ROR1: variants seen among roughly 807,000 people sequenced by gnomAD.
The protein encoded by ROR1 is inactive tyrosine-protein kinase transmembrane receptor ROR1.
ROR1 carries 19 observed loss-of-function variants against 78.8 expected under a neutral mutation model. The observed-to-expected ratio is 0.24, with a 90% CI of 0.17 to 0.35. ROR1 has a LOEUF of 0.35. ROR1 is among the 10% of genes least tolerant of loss of function. The probability of loss-of-function intolerance (pLI) is 1.00; values close to 1 mark genes in which losing one functional copy is unlikely to be tolerated. For synonymous variants in ROR1, 386 were observed against 433.6 expected (o/e 0.89, Z 1.36); for missense variants, 917 against 1,177.8 (o/e 0.78, Z 3.24).
intron 1 of ROR1, among the ~76,000 whole-genome samples, chr1:63,919,396 T>C (rs1645635601): frequency 6.6e-6 from 1 of 151,994 alleles, no homozygotes; most frequent in South Asian, 2.1e-4. Flanking sequence ...TGACATTTTA[T>C]GCCAAAAATC....
intron 1 of ROR1, among the ~76,000 whole-genome samples, chr1:63,991,396 G>C (rs1418466679): frequency 3.9e-5 from 6 of 152,152 alleles, no homozygotes; most frequent in Admixed American, 3.9e-4. Flanking sequence ...CCATTTTTCA[G>C]ATATGTGCAG....
At chr1:64,012,851 G>C (rs1007358731) in intron 2 of ROR1, among the ~76,000 whole-genome samples, 1 of 152,040 alleles carries the variant, frequency 6.6e-6, no homozygotes, top group Non-Finnish European at 1.5e-5. Context: ...TATAATTGAA[G>C]AATAGAGCTA....
chr1:64,037,691 G>T (rs1026020426), intron 2 of ROR1, among the ~76,000 whole-genome samples: 1 of 152,112 alleles, frequency 6.6e-6, no homozygotes, highest in African/African-American at 2.4e-5. Context: ...TGTTAAACAC[G>T]CTACCATGTG....
At chr1:64,139,386 C>T (rs1649229411) in intron 5 of ROR1, among the ~76,000 whole-genome samples, 1 of 152,048 alleles carries the variant, frequency 6.6e-6, no homozygotes, top group South Asian at 2.1e-4. Flanking sequence ...GAGCAACATA[C>T]TTGGGGAAAT....
At chr1:63,840,252 C>T (rs1175921520) in intron 1 of ROR1, among the ~76,000 whole-genome samples, 2 of 151,640 alleles carry the variant, frequency 1.3e-5, no homozygotes, top group African/African-American at 4.9e-5. Context: ...CCTGAGCTAA[C>T]CTAGAAAAGT....
intron 1 of ROR1, among the ~76,000 whole-genome samples, chr1:63,860,773 A>G (rs1224689356): frequency 3.0e-4 from 27 of 90,856 alleles, no homozygotes; most frequent in Middle Eastern, 9.0e-3. Context: ...TGTCTCGGGG[A>G]AAAAAAAAAA....
intron 1 of ROR1, among the ~76,000 whole-genome samples, chr1:63,966,844 G>A (rs1192311732): frequency 2.6e-5 from 4 of 152,216 alleles, no homozygotes; most frequent in South Asian, 2.1e-4. Context: ...TGAACCAATC[G>A]CTTGAAAAGC....
intron 1 of ROR1, among the ~76,000 whole-genome samples, chr1:63,949,863 G>A (rs901274007): frequency 6.6e-6 from 1 of 152,142 alleles, no homozygotes; most frequent in Non-Finnish European, 1.5e-5. Flanking sequence ...AATGGTTTGT[G>A]TGGGGTGGAG....
chr1:63,894,957 T>C (rs1434035075), intron 1 of ROR1, among the ~76,000 whole-genome samples: 1 of 152,170 alleles, frequency 6.6e-6, no homozygotes, highest in Non-Finnish European at 1.5e-5. Flanking sequence ...CAGCACATGT[T>C]TTCTCTCAGT....
chr1:64,075,585 G>A (rs947969802), intron 4 of ROR1, among the ~76,000 whole-genome samples: 1 of 152,154 alleles, frequency 6.6e-6, no homozygotes, highest in Non-Finnish European at 1.5e-5. Flanking sequence ...CCCTGTGATT[G>A]CAATAACCGT....
chr1:63,845,785 G>A (rs1263933953), intron 1 of ROR1, among the ~76,000 whole-genome samples: 1 of 152,138 alleles, frequency 6.6e-6, no homozygotes, highest in South Asian at 2.1e-4. Flanking sequence ...ATAGTTGTAT[G>A]TGTTTTACCT....
chr1:64,133,892 G>A (rs1289323070), intron 4 of ROR1, among the ~76,000 whole-genome samples: 1 of 152,302 alleles, frequency 6.6e-6, no homozygotes, highest in South Asian at 2.1e-4. Flanking sequence ...TAATGCTGGA[G>A]GAGCATTTGT....
intron 1 of ROR1, among the ~76,000 whole-genome samples, chr1:63,789,500 G>A (rs958450093): frequency 2.0e-5 from 3 of 152,162 alleles, no homozygotes; most frequent in Non-Finnish European, 1.5e-5. Context: ...ACATGGCAAA[G>A]AGGGACAGAG....
intron 4 of ROR1, among the ~76,000 whole-genome samples, chr1:64,128,291 CA>C (rs72429774): frequency 0.012 from 1,193 of 101,210 alleles, 10 homozygotes; most frequent in African/African-American, 0.045. Context: ...CCTGTCTCTA[CA>C]AAAAAAAAAA....
intron 1 of ROR1, among the ~76,000 whole-genome samples, chr1:63,952,612 A>T (rs1645949410): frequency 6.6e-6 from 1 of 152,074 alleles, no homozygotes; most frequent in South Asian, 2.1e-4. Context: ...GAGTTCTCTG[A>T]GGGAGAGTGC....
intron 1 of ROR1, among the ~76,000 whole-genome samples, chr1:63,820,059 AAAGGTGGTT>A (rs1426464681): frequency 2.0e-5 from 3 of 152,212 alleles, no homozygotes; most frequent in African/African-American, 7.2e-5. Flanking sequence ...TTAATAAGGC[AAAGGTGGTT>A]AACTTTTTGA....
chr1:64,154,963 C>G (rs999818157), intron 7 of ROR1, among the ~76,000 whole-genome samples: 1 of 152,086 alleles, frequency 6.6e-6, no homozygotes, highest in Non-Finnish European at 1.5e-5. Flanking sequence ...AGATATTAGT[C>G]TTCATTGAAA....
intron 1 of ROR1, among the ~76,000 whole-genome samples, chr1:63,862,686 T>C (rs1645189573): frequency 6.6e-6 from 1 of 152,090 alleles, no homozygotes; most frequent in African/African-American, 2.4e-5. Context: ...CTGCTGAGCA[T>C]ATCTTTTTCT....
Position 64,169,404 on chromosome 1 carries a change from G to A in ROR1, c.1387-8024G>A, listed in dbSNP as rs546908522. On this transcript the variant is annotated intron_variant, in intron 8 of 8. Coordinates refer to ENST00000371079, the MANE Select transcript of ROR1 (RefSeq NM_005012.4). ...CAGCAGACAAAGAGAGAGCTTGTGC[G>A]GGGAAACTCCCCCTTATAGAACCAT... Among the ~76,000 whole-genome samples, 17 of 152,242 alleles carry A rather than the reference G, an allele frequency of 1.1e-4. No homozygotes were observed. The South Asian group carries it at 1.4e-3, about 13-fold the overall frequency.
Sources: allele counts gnomAD v4.1 joint callset (sites outside exome capture counted in the v4.1 genomes callset), GRCh38; gene constraint gnomAD v4.1.1; transcripts MANE v1.5; gene names NCBI Gene and HGNC (gene_info 2026-07-23, HGNC 2026-07-21).